RAB11FIP3: variants seen among roughly 807,000 people sequenced by gnomAD.
RAB11FIP3 encodes RAB11 family interacting protein 3, also known as rab11 family-interacting protein 3.
RAB11FIP3 carries 17 observed loss-of-function variants against 77.8 expected under a neutral mutation model. The ratio of observed to expected loss-of-function variants is 0.22; its 90% CI spans 0.15 to 0.33. The LOEUF is 0.33. Ranked by LOEUF, RAB11FIP3 falls within the 10% of genes least tolerant of loss-of-function variation. The pLI, the probability that RAB11FIP3 is intolerant of heterozygous loss-of-function variation, is 1.00. For missense variants in RAB11FIP3, 1,005 were observed against 1,011.2 expected (o/e 0.99, Z 0.08); for synonymous variants, 437 against 448.2 (o/e 0.98, Z 0.31).
At chr16:482,231 AT>A (rs2056056564) in intron 3 of RAB11FIP3, 1 of 540,706 alleles carries the variant, frequency 1.8e-6, no homozygotes, top group Non-Finnish European at 3.5e-6. Context: ...TAAGTTTTGT[AT>A]TTTTGGTAGA....
chr16:428,737 T>G (rs957603459), intron 1 of RAB11FIP3, among the ~76,000 whole-genome samples: 3 of 152,146 alleles, frequency 2.0e-5, no homozygotes, highest in African/African-American at 7.2e-5. Context: ...TGTGATAATA[T>G]CTTACTGACT....
intron 6 of RAB11FIP3, among the ~76,000 whole-genome samples, chr16:498,613 A>G (rs370316021): frequency 6.6e-6 from 1 of 152,070 alleles, no homozygotes; most frequent in South Asian, 2.1e-4. Context: ...AGACCTCCCA[A>G]GCTCAAATGA....
chr16:491,432 G>A (rs896907949), intron 5 of RAB11FIP3, among the ~76,000 whole-genome samples: 1 of 152,120 alleles, frequency 6.6e-6, no homozygotes, highest in Non-Finnish European at 1.5e-5. Context: ...GGGGCCACCA[G>A]GGCCCTGCCT....
At position 474,881 on chromosome 16, in the gene RAB11FIP3, T is replaced by C. The variant is rs1321422352; in HGVS notation, c.903+3492T>C. 9 of 1,471,990 alleles carry C rather than the reference T, an allele frequency of 6.1e-6. No homozygotes were observed. The Admixed American group carries it at 2.0e-4, about 33-fold the overall frequency. 91.2% of individuals were successfully genotyped at this position (1,471,990 alleles called of 1,614,324 possible). ...GCGTGTCTGGGAGCAGGTTAAACTT[T>C]CTCCTAGGTGGTGATGTGCCTCCAG... On this transcript the variant is annotated intron_variant, in intron 3 of 13. Coordinates refer to ENST00000262305, the MANE Select transcript of RAB11FIP3 (RefSeq NM_014700.4).
At chr16:496,043 C>T (rs1481056812) in intron 5 of RAB11FIP3, among the ~76,000 whole-genome samples, 1 of 152,190 alleles carries the variant, frequency 6.6e-6, no homozygotes, top group Non-Finnish European at 1.5e-5. Flanking sequence ...AGCCACCACG[C>T]CCGGCCCCTC....
intron 5 of RAB11FIP3, among the ~76,000 whole-genome samples, chr16:492,727 A>G (rs12719809): frequency 0.59 from 89,664 of 152,018 alleles, 26,774 homozygotes; most frequent in Middle Eastern, 0.72. Context: ...CAAGCATGTC[A>G]TCTCCGTACA....
In RAB11FIP3 at chr16:443,964, A is replaced by G. The variant is rs1029026704; in HGVS notation, c.714+17244A>G. Among the ~76,000 whole-genome samples, 7 of 152,226 alleles carry G rather than the reference A, an allele frequency of 4.6e-5. No homozygotes were observed. The East Asian group carries it at 1.3e-3, about 29-fold the overall frequency. On this transcript the variant is annotated intron_variant, in intron 1 of 13. Coordinates refer to ENST00000262305, the MANE Select transcript of RAB11FIP3 (RefSeq NM_014700.4). ...CTGATACAGGAAGAATGGCATATCA[A>G]CGGAGTTTCAGTTTGTATTTCCTGG...
intron 1 of RAB11FIP3, among the ~76,000 whole-genome samples, chr16:456,439 C>CA (rs548595166): frequency 0.049 from 5,200 of 105,178 alleles, 266 homozygotes; most frequent in African/African-American, 0.16. Flanking sequence ...GACCCTGTCT[C>CA]AAAAAAAAAA....
chr16:441,144 G>A (rs922716611), intron 1 of RAB11FIP3, among the ~76,000 whole-genome samples: 8 of 152,138 alleles, frequency 5.3e-5, no homozygotes, highest in African/African-American at 1.9e-4. Flanking sequence ...GTTTCACCAT[G>A]TTGGTCAGGC....
At chr16:477,751 T>C in intron 3 of RAB11FIP3, 1 of 832,096 alleles carries the variant, frequency 1.2e-6, no homozygotes, top group Non-Finnish European at 1.4e-6. Flanking sequence ...TTTTATGAAT[T>C]ACTTCCTTAG....
chr16:497,510 C>T, intron 6 of RAB11FIP3: 1 of 1,175,262 alleles, frequency 8.5e-7, no homozygotes, highest in Non-Finnish European at 1.1e-6. Flanking sequence ...CGTGGCCCGG[C>T]ATCTGGCAGG....
At chr16:491,116 A>T (rs1405863993) in intron 5 of RAB11FIP3, 11 of 1,290,002 alleles carry the variant, frequency 8.5e-6, no homozygotes, top group African/African-American at 1.5e-5. Flanking sequence ...TCCTGAACGG[A>T]TGCTTCTGTC....
At chr16:464,241 C>A (rs941956156) in intron 2 of RAB11FIP3, among the ~76,000 whole-genome samples, 14 of 152,188 alleles carry the variant, frequency 9.2e-5, no homozygotes, top group Non-Finnish European at 1.9e-4. Flanking sequence ...AGGCTGAGCA[C>A]CAGCAGGTTG....
intron 9 of RAB11FIP3, among the ~76,000 whole-genome samples, chr16:515,192 C>G (rs908774953): frequency 2.0e-5 from 3 of 152,194 alleles, no homozygotes; most frequent in Non-Finnish European, 4.4e-5. Flanking sequence ...CTTCTCTTTG[C>G]TTATCTGTAG....
chr16:501,285 C>T (rs2031497786), intron 6 of RAB11FIP3, among the ~76,000 whole-genome samples: 1 of 152,250 alleles, frequency 6.6e-6, no homozygotes, highest in African/African-American at 2.4e-5. Flanking sequence ...GCCTCTAGAC[C>T]CCCATTTCAT....
rs59474626 is a variant in RAB11FIP3, at chr16:522,229, CTG to C, written c.*1394_*1395del. ...ATTTTTTAATACTTTCAAGAGAAAACTGTGTATACACATGAAATATATATATA... is the reference window on the plus strand; with the variant it reads ...ATTTTTTAATACTTTCAAGAGAAAACTGTATACACATGAAATATATATATA... On this transcript the variant is annotated 3_prime_UTR_variant, in exon 14 of 14. Transcript: ENST00000262305. 113 of 143,970 alleles carry C rather than the reference CTG, an allele frequency of 7.8e-4. No individual in the cohort carries two copies. The highest frequency in any genetic ancestry group is 2.6e-3 in the African/African-American group (99 of 37,966). 8.9% of individuals were successfully genotyped at this position (143,970 alleles called of 1,614,324 possible).
intron 5 of RAB11FIP3, among the ~76,000 whole-genome samples, chr16:496,555 C>T (rs1468230934): frequency 6.6e-6 from 1 of 152,214 alleles, no homozygotes; most frequent in African/African-American, 2.4e-5. Flanking sequence ...TGGCGCTGGC[C>T]TCTCAGTCGT....
At chr16:519,678 G>T (rs1367803114) in intron 10 of RAB11FIP3, 76 bp from the exon 11 acceptor site, 3 of 1,552,184 alleles carry the variant, frequency 1.9e-6, no homozygotes, top group Admixed American at 3.5e-5. Context: ...GAGATTGGAG[G>T]GACAGACGGC....
chr16:519,184 C>T (rs555310311), intron 10 of RAB11FIP3, 160 bp downstream of exon 10: 2 of 692,622 alleles, frequency 2.9e-6, no homozygotes, highest in South Asian at 3.6e-5. Context: ...AGACACTGGA[C>T]CGTGCTCCAC....
Sources: gnomAD v4.1 joint callset for allele counts (sites outside exome capture counted in the v4.1 genomes callset) on GRCh38, gnomAD v4.1.1 for gene constraint, MANE v1.5 for transcripts, NCBI Gene and HGNC (gene_info 2026-07-23, HGNC 2026-07-21) for gene names.